Variants in PRKAR2A observed in about 807,000 individuals in gnomAD.
PRKAR2A encodes the protein protein kinase cAMP-dependent type II regulatory subunit alpha.
A neutral mutation model predicts 51.9 loss-of-function variants in PRKAR2A; 29 were observed. The observed-to-expected ratio is 0.56, with a 90% CI of 0.42 to 0.76. PRKAR2A has a LOEUF of 0.76. PRKAR2A is among the 30% of genes least tolerant of loss of function. The pLI is 0.00. For missense variants in PRKAR2A, 445 were observed against 512.1 expected (o/e 0.87, Z 1.26); for synonymous variants, 178 against 186.2 (o/e 0.96, Z 0.36).
Position 48,751,297 on chromosome 3 carries a change from T to C in PRKAR2A, c.*288A>G, listed in dbSNP as rs1349927173. On this transcript the variant is annotated 3_prime_UTR_variant, in exon 11 of 11. Coordinates refer to ENST00000265563, the MANE Select transcript of PRKAR2A (RefSeq NM_004157.4). ...TGGACTTTGTATCAGGCACTTAAAT[T>C]GTTGGAGAGACATGCCGTTTTGAAC... The C allele has an allele frequency of 3.6e-6, 2 of 563,228 alleles. No homozygotes were observed. Among genetic ancestry groups the C allele is most frequent in the Admixed American group, 4.4e-5 (2 of 45,648 alleles). The allele number at this position is 563,228 out of a possible 1,614,324, so 34.9% of individuals were successfully genotyped here.
chr3:48,833,203 ATTGTT>A (rs1315417850), intron 1 of PRKAR2A, among the ~76,000 whole-genome samples: 1 of 152,132 alleles, frequency 6.6e-6, no homozygotes, highest in African/African-American at 2.4e-5. Context: ...AACCCAGCTA[ATTGTT>A]TTAATTTTTT....
At chr3:48,815,196 T>TA (rs1421090629) in intron 1 of PRKAR2A, among the ~76,000 whole-genome samples, 1 of 151,996 alleles carries the variant, frequency 6.6e-6, no homozygotes, top group Admixed American at 6.6e-5. Context: ...TTACACGCGT[T>TA]AGCCACTGCA....
intron 3 of PRKAR2A, among the ~76,000 whole-genome samples, chr3:48,793,248 A>T (rs1163532271): frequency 6.6e-6 from 1 of 152,112 alleles, no homozygotes; most frequent in Non-Finnish European, 1.5e-5. Flanking sequence ...TGAATGTACC[A>T]TAATTTAGGC....
At chr3:48,782,951 G>A (rs1468283273) in intron 5 of PRKAR2A, 35 bp downstream of exon 5, 2 of 1,394,888 alleles carry the variant, frequency 1.4e-6, no homozygotes, top group Non-Finnish European at 2.0e-6. Context: ...ATCCGATTAA[G>A]TGTGGCCACA....
intron 2 of PRKAR2A, among the ~76,000 whole-genome samples, chr3:48,807,061 G>A (rs545625018): frequency 7.9e-5 from 12 of 152,254 alleles, no homozygotes; most frequent in Admixed American, 4.6e-4. Flanking sequence ...GTGAGCCACC[G>A]CGCCTGGACA....
At chr3:48,774,786 T>A (rs1457616716) in intron 5 of PRKAR2A, among the ~76,000 whole-genome samples, 1 of 152,192 alleles carries the variant, frequency 6.6e-6, no homozygotes, top group African/African-American at 2.4e-5. Flanking sequence ...TATTTCATTG[T>A]GTACTATGCC....
rs747300998 is a variant in PRKAR2A, at chr3:48,751,624, C to T, written c.1176G>A (p.Met392Ile). 4.3e-6 allele frequency: 7 copies of T among 1,613,812 alleles called. No homozygotes were observed. The highest frequency in any genetic ancestry group is 5.9e-6 in the Non-Finnish European group (7 of 1,179,860). ...ISHYEEQLVK[M>I]FGSSVDLGNL... ...TGCCCAGATCCACGCTGGAGCCAAACATCTTCACCAGCTGTTCCTCATAGT... is the reference window on the plus strand; with the variant it reads ...TGCCCAGATCCACGCTGGAGCCAAATATCTTCACCAGCTGTTCCTCATAGT... The change falls in exon 11 of 11, where the codon ATG becomes ATA. Residue 392 changes from methionine (M) to isoleucine (I), a missense_variant. By Grantham distance (10) the Met-to-Ile change is conservative. Transcript: ENST00000265563.
At chr3:48,764,258 A>T (rs964547447) in intron 8 of PRKAR2A, among the ~76,000 whole-genome samples, 13 of 152,236 alleles carry the variant, frequency 8.5e-5, no homozygotes, top group African/African-American at 2.9e-4. Context: ...TACTCATTAC[A>T]ATGATCTAGC....
intron 5 of PRKAR2A, among the ~76,000 whole-genome samples, chr3:48,776,983 T>C (rs1035872984): frequency 1.3e-5 from 2 of 152,198 alleles, no homozygotes; most frequent in South Asian, 2.1e-4. Context: ...TGATGTTTGA[T>C]TGTTGACAGC....
intron 6 of PRKAR2A, among the ~76,000 whole-genome samples, chr3:48,770,892 T>C (rs1292608755): frequency 6.6e-6 from 1 of 152,154 alleles, no homozygotes; most frequent in East Asian, 1.9e-4. Flanking sequence ...ATATACAGTT[T>C]TCAATTTTCA....
intron 1 of PRKAR2A, among the ~76,000 whole-genome samples, chr3:48,845,582 C>T (rs1389349035): frequency 3.3e-5 from 5 of 152,326 alleles, no homozygotes; most frequent in African/African-American, 1.2e-4. Context: ...GTTAAATTGA[C>T]AAAGCATATG....
At chr3:48,777,071 C>T (rs759950662) in intron 5 of PRKAR2A, among the ~76,000 whole-genome samples, 14 of 152,034 alleles carry the variant, frequency 9.2e-5, no homozygotes, top group African/African-American at 1.7e-4. Context: ...TCGGTGCTGA[C>T]GGGGAGTTCA....
intron 5 of PRKAR2A, among the ~76,000 whole-genome samples, chr3:48,782,305 A>G (rs2082212010): frequency 6.6e-6 from 1 of 152,210 alleles, no homozygotes; most frequent in Non-Finnish European, 1.5e-5. Flanking sequence ...GAGTAAAATC[A>G]GGCTCAAATA....
At chr3:48,828,995 G>A (rs1397062155) in intron 1 of PRKAR2A, among the ~76,000 whole-genome samples, 3 of 151,492 alleles carry the variant, frequency 2.0e-5, no homozygotes, top group East Asian at 4.0e-4. Flanking sequence ...CACCACACCC[G>A]GCTAATTTTT....
At chr3:48,814,895 T>C (rs2082847518) in intron 1 of PRKAR2A, among the ~76,000 whole-genome samples, 3 of 152,152 alleles carry the variant, frequency 2.0e-5, no homozygotes, top group Admixed American at 6.5e-5. Context: ...CAGTTTCAAT[T>C]TACCAGTTCT....
At chr3:48,780,385 C>T (rs1413187177) in intron 5 of PRKAR2A, among the ~76,000 whole-genome samples, 20 of 151,708 alleles carry the variant, frequency 1.3e-4, no homozygotes, top group African/African-American at 3.9e-4. Flanking sequence ...GGGCAGATCA[C>T]GAGGTCAGGA....
At chr3:48,754,960 C>T (rs1217729076) in intron 9 of PRKAR2A, among the ~76,000 whole-genome samples, 2 of 146,816 alleles carry the variant, frequency 1.4e-5, no homozygotes, top group African/African-American at 2.5e-5. Context: ...AGCTATCTTA[C>T]AGACAGTAAT....
chr3:48,766,888 G>C (rs1307410667), intron 6 of PRKAR2A, among the ~76,000 whole-genome samples: 1 of 152,118 alleles, frequency 6.6e-6, no homozygotes, highest in African/African-American at 2.4e-5. Flanking sequence ...ATGTTGTCCA[G>C]GCTGGCTTTG....
chr3:48,788,974 T>C (rs2082338847), intron 4 of PRKAR2A, among the ~76,000 whole-genome samples: 1 of 151,726 alleles, frequency 6.6e-6, no homozygotes, highest in Admixed American at 6.6e-5. Flanking sequence ...TGCTAGGCCC[T>C]GCAGAAACAC....
Sources: allele counts gnomAD v4.1 joint callset (sites outside exome capture counted in the v4.1 genomes callset), GRCh38; gene constraint gnomAD v4.1.1; transcripts MANE v1.5; gene names NCBI Gene and HGNC (gene_info 2026-07-23, HGNC 2026-07-21).